KLRF1: variants seen among roughly 807,000 people sequenced by gnomAD.
KLRF1 encodes the protein killer cell lectin like receptor F1.
KLRF1 carries 27 observed loss-of-function variants against 30.7 expected under a neutral mutation model. The observed-to-expected ratio is 0.88, with a 90% CI of 0.65 to 1.21. The LOEUF is 1.21. Among genes scored for constraint, KLRF1 ranks in the 50% most tolerant of loss-of-function variants. KLRF1 has a pLI of 0.00. For synonymous variants in KLRF1, 92 were observed against 89.3 expected, an observed-to-expected ratio of 1.03 and a Z score of -0.17; for missense variants, 246 against 259.3, an observed-to-expected ratio of 0.95 and a Z score of 0.35.
At chr12:9,826,566 C>G (rs774149595), upstream of KLRF1, among the ~76,000 whole-genome samples, 1 of 152,170 alleles carries the variant, frequency 6.6e-6, no homozygotes, top group Non-Finnish European at 1.5e-5. Flanking sequence ...AAGACACATG[C>G]ATGCATCTGT....
At chr12:9,813,123 C>T in the KLRF1 span, among the ~76,000 whole-genome samples, 1 of 149,036 alleles carries the variant, frequency 6.7e-6, no homozygotes, top group African/African-American at 2.5e-5. Context: ...TCTTTTATGT[C>T]TTTTTATTTT....
intron 1 of KLRF1, 67 bp downstream of exon 1, chr12:9,827,696 C>T: frequency 1.1e-6 from 1 of 883,510 alleles, no homozygotes; most frequent in Admixed American, 1.9e-5. Flanking sequence ...TATCCTGTTC[C>T]ATTGTGTTAT....
chr12:9,812,367 GAAAAA>G, the KLRF1 span, among the ~76,000 whole-genome samples: 1 of 95,806 alleles, frequency 1.0e-5, no homozygotes, highest in Non-Finnish European at 2.1e-5. Context: ...GCCGTCTCAG[GAAAAA>G]AAAAAAAAAA....
Position 9,842,345 on chromosome 12 carries a change from CAATT to C in KLRF1, c.502_505del (p.Leu168ThrfsTer12). On this transcript the variant is annotated frameshift_variant, in exon 5 of 6. Transcript: ENST00000617889. LOFTEE classifies it high-confidence loss of function. ...GGCTTTTATACAGAAAAACCTAAGA[CAATT>C]AAACTACGTATGGATTGGGCTTAAC... 1 of 1,611,864 alleles carries C rather than the reference CAATT, an allele frequency of 6.2e-7. No individual in the cohort carries two copies. The highest frequency in any genetic ancestry group is 8.5e-7 in the Non-Finnish European group (1 of 1,178,520).
intron 3 of KLRF1, among the ~76,000 whole-genome samples, chr12:9,838,307 C>A (rs1040228891): frequency 6.6e-6 from 1 of 152,086 alleles, no homozygotes; most frequent in African/African-American, 2.4e-5. Context: ...GCCCAAATTC[C>A]TCTTATTCCA....
chr12:9,800,564 A>G, the KLRF1 span, among the ~76,000 whole-genome samples: 1,385 of 152,054 alleles, frequency 9.1e-3, 20 homozygotes, highest in African/African-American at 0.031. Context: ...ACATATAGTA[A>G]TTGGTTTTTC....
intron 3 of KLRF1, among the ~76,000 whole-genome samples, chr12:9,836,454 G>A (rs771874561): frequency 1.3e-5 from 2 of 152,152 alleles, no homozygotes; most frequent in South Asian, 2.1e-4. Context: ...AGAGTGGATA[G>A]GTGATCTTTG....
chr12:9,815,958 A>T, the KLRF1 span, among the ~76,000 whole-genome samples: 3 of 152,202 alleles, frequency 2.0e-5, no homozygotes, highest in Non-Finnish European at 4.4e-5. Context: ...AGCTGGGATT[A>T]CAGGCACACG....
chr12:9,816,539 A>G, the KLRF1 span, among the ~76,000 whole-genome samples: 2 of 149,812 alleles, frequency 1.3e-5, no homozygotes, highest in African/African-American at 5.0e-5. Context: ...CTTAGGGGCA[A>G]GTAACTTCTT....
the KLRF1 span, among the ~76,000 whole-genome samples, chr12:9,815,317 G>A: frequency 1.3e-5 from 2 of 152,138 alleles, no homozygotes; most frequent in Admixed American, 1.3e-4. Flanking sequence ...ATTTATTTGT[G>A]GAAGTAACAG....
At chr12:9,818,179 T>G in the KLRF1 span, among the ~76,000 whole-genome samples, 3,426 of 152,306 alleles carry the variant, frequency 0.022, 110 homozygotes, top group African/African-American at 0.074. Context: ...ATCACTACCA[T>G]AGAGCTGGAC....
At chr12:9,838,651 T>C (rs759100888) in intron 3 of KLRF1, among the ~76,000 whole-genome samples, 1 of 152,268 alleles carries the variant, frequency 6.6e-6, no homozygotes, top group African/African-American at 2.4e-5. Context: ...TAGCTGACTT[T>C]GTCAAAGGAA....
intron 3 of KLRF1, among the ~76,000 whole-genome samples, chr12:9,838,032 C>T (rs747190138): frequency 2.0e-5 from 3 of 152,190 alleles, no homozygotes; most frequent in Admixed American, 6.6e-5. Flanking sequence ...GGATAATCTC[C>T]GGTAAATTGG....
At position 9,842,329 on chromosome 12, in the gene KLRF1, A is replaced by G; in HGVS notation, c.483A>G (p.Ile161Met). 1 of 1,611,152 alleles carries G rather than the reference A, an allele frequency of 6.2e-7. No individual in the cohort carries two copies. Among genetic ancestry groups the G allele is most frequent in the African/African-American group, 1.3e-5 (1 of 74,940 alleles). Residue 161 changes from isoleucine to methionine, a missense_variant, in exon 5 of 6, where the codon ATA becomes ATG. Physicochemically the swap from Ile to Met is conservative, Grantham distance 10 (BLOSUM62 1). Transcript: ENST00000617889. ...CCTCGTCCACATTTTAGGCTTTTAT[A>G]CAGAAAAACCTAAGACAATTAAACT... is the stretch of plus-strand genomic sequence containing the variant. The part of the protein sequence containing the change: ...IIHDQLEMAF[I>M]QKNLRQLNYV...
rs980437542 is a variant in KLRF1, at chr12:9,844,895, T to C, written c.*369T>C. The C allele has an allele frequency of 1.5e-4, 23 of 154,294 alleles. No individual in the cohort carries two copies. The highest frequency in any genetic ancestry group is 3.0e-4 in the Non-Finnish European group (21 of 69,442). The allele number at this position is 154,294 out of a possible 1,614,324, so 9.6% of individuals were successfully genotyped here. On this transcript the variant is annotated 3_prime_UTR_variant, in exon 6 of 6. Transcript: ENST00000617889. ...TCTTATATTTCTAATGGTTGAATTA[T>C]AATGTGGGTTTATACATTTTTTACC...
chr12:9,821,960 A>C, the KLRF1 span, among the ~76,000 whole-genome samples: 1 of 152,252 alleles, frequency 6.6e-6, no homozygotes, highest in Non-Finnish European at 1.5e-5. Flanking sequence ...GTTGCAAGTA[A>C]AGACCCTGCA....
chr12:9,809,693 A>C, the KLRF1 span, among the ~76,000 whole-genome samples: 1 of 151,916 alleles, frequency 6.6e-6, no homozygotes, highest in African/African-American at 2.4e-5. Context: ...TTTGTGTAGT[A>C]TTCAAAGATA....
At chr12:9,843,563 G>A (rs956585185) in intron 5 of KLRF1, among the ~76,000 whole-genome samples, 1 of 152,132 alleles carries the variant, frequency 6.6e-6, no homozygotes, top group Non-Finnish European at 1.5e-5. Flanking sequence ...AATTATGGAT[G>A]TGTGTCATCT....
chr12:9,829,696 T>C (rs964403568), intron 1 of KLRF1, among the ~76,000 whole-genome samples: 3 of 152,112 alleles, frequency 2.0e-5, no homozygotes, highest in African/African-American at 7.2e-5. Flanking sequence ...GAGCTCAAGG[T>C]TACAAAGAGC....
Sources: gnomAD v4.1 joint callset for allele counts (sites outside exome capture counted in the v4.1 genomes callset) on GRCh38, gnomAD v4.1.1 for gene constraint, MANE v1.5 for transcripts, NCBI Gene and HGNC (gene_info 2026-07-23, HGNC 2026-07-21) for gene names.